BAIAP2: variants seen among roughly 807,000 people sequenced by gnomAD.
BAIAP2 encodes BAR/IMD domain-containing adapter protein 2.
BAIAP2 carries 18 observed loss-of-function variants against 63.0 expected under a neutral mutation model. The observed-to-expected ratio is 0.29, with a 90% CI of 0.20 to 0.42. The LOEUF (loss-of-function observed/expected upper bound fraction) is 0.42, where lower values mean the gene tolerates loss of function less well. Among genes scored for constraint, BAIAP2 ranks in the 10% least tolerant of loss-of-function variants. The probability of loss-of-function intolerance (pLI) is 1.00; values close to 1 mark genes in which losing one functional copy is unlikely to be tolerated. For synonymous variants in BAIAP2, 386 were observed against 307.6 expected (o/e 1.25, Z -2.67); for missense variants, 610 against 734.3 (o/e 0.83, Z 1.96).
chr17:81,050,968 G>A (rs574323283), intron 1 of BAIAP2, among the ~76,000 whole-genome samples: 4 of 151,904 alleles, frequency 2.6e-5, no homozygotes, highest in South Asian at 2.1e-4. Context: ...CCAGGCTGCC[G>A]AGAGCGCACC....
intron 3 of BAIAP2, among the ~76,000 whole-genome samples, chr17:81,081,610 T>C (rs2054618236): frequency 6.6e-6 from 1 of 152,162 alleles, no homozygotes; most frequent in African/African-American, 2.4e-5. Context: ...CCAAATTCTG[T>C]CCTCTTTGTC....
At chr17:81,107,758 C>T (rs1173256390) in intron 12 of BAIAP2, 1 of 152,406 alleles carries the variant, frequency 6.6e-6, no homozygotes. Context: ...GACTACTCAG[C>T]TATTGACCCA....
At chr17:81,036,476 C>G (rs889427856) in intron 1 of BAIAP2, among the ~76,000 whole-genome samples, 5 of 152,252 alleles carry the variant, frequency 3.3e-5, no homozygotes, top group Admixed American at 2.6e-4. Context: ...CCTCTTAGCT[C>G]TCAGGCTTGG....
rs2049367558 is a variant in BAIAP2 at position 81,055,574 on chromosome 17, G to GTTGTTTTTTTTTGTTTTTTT, written c.130+1833_130+1834insGTTTTTTTTTGTTTTTTTTT. ...CCAGCGAAAGTCTGCAGGGTGTTTT[G>GTTGTTTTTTTTTGTTTTTTT]TTTTTTTTTGAGACGGAGTCTCACT... is the stretch of plus-strand genomic sequence containing the variant. On this transcript the variant is annotated intron_variant, in intron 2 of 13. Coordinates refer to ENST00000428708, the MANE Select transcript of BAIAP2 (RefSeq NM_001144888.2). Among the ~76,000 whole-genome samples the GTTGTTTTTTTTTGTTTTTTT allele has an allele frequency of 2.2e-3, 275 of 123,402 alleles. 3 individuals carry two copies. The highest frequency in any genetic ancestry group is 3.8e-3 in the Non-Finnish European group (225 of 59,862). 81.0% of individuals were successfully genotyped at this position (123,402 alleles called of 152,430 possible).
intron 13 of BAIAP2, among the ~76,000 whole-genome samples, chr17:81,111,265 G>A (rs969855155): frequency 4.6e-5 from 7 of 152,372 alleles, no homozygotes; most frequent in South Asian, 2.1e-4. Flanking sequence ...CCTGCTGGGC[G>A]CTTCAATTAT....
At chr17:81,079,764 C>G (rs2054283336) in intron 3 of BAIAP2, among the ~76,000 whole-genome samples, 1 of 152,206 alleles carries the variant, frequency 6.6e-6, no homozygotes, top group Non-Finnish European at 1.5e-5. Flanking sequence ...TGGCACTCAG[C>G]TTACATTTGA....
At chr17:81,078,678 G>T (rs552284181) in intron 3 of BAIAP2, among the ~76,000 whole-genome samples, 1 of 151,918 alleles carries the variant, frequency 6.6e-6, no homozygotes, top group Admixed American at 6.6e-5. Flanking sequence ...GTGCTGTCTC[G>T]GGTGGGAGCT....
chr17:81,110,570 C>T (rs948868479), intron 13 of BAIAP2: 4 of 1,172,584 alleles, frequency 3.4e-6, no homozygotes, highest in Admixed American at 8.5e-5. Flanking sequence ...CGTGGGGGCC[C>T]CGCCTTGTGC....
At chr17:81,107,970 G>A (rs376838966) in intron 12 of BAIAP2, 18 of 166,780 alleles carry the variant, frequency 1.1e-4, no homozygotes, top group Middle Eastern at 2.9e-3. Context: ...CAGCCCCAGC[G>A]CCACACCTGG....
chr17:81,116,320 C>T lies in BAIAP2; in HGVS notation c.*481C>T, dbSNP rs777099412. On this transcript the variant is annotated 3_prime_UTR_variant, in exon 14 of 14. Coordinates refer to ENST00000428708, the MANE Select transcript of BAIAP2 (RefSeq NM_001144888.2). The stretch of plus-strand genomic sequence containing the variant: ...CTGGAAGATGAACTTCCCGTAAGCA[C>T]GTAATTCCCTGCAGGTCCGGCAGCT... The T allele has an allele frequency of 2.8e-5, 45 of 1,612,578 alleles. No individual in the cohort carries two copies. Among genetic ancestry groups the T allele is most frequent in the African/African-American group, 1.6e-4 (12 of 74,942 alleles).
chr17:81,072,534 C>T (rs761960171), intron 3 of BAIAP2, among the ~76,000 whole-genome samples: 14 of 152,226 alleles, frequency 9.2e-5, no homozygotes, highest in Non-Finnish European at 1.5e-4. Flanking sequence ...GCCGTCTCCA[C>T]GTCCCCACCC....
intron 1 of BAIAP2, among the ~76,000 whole-genome samples, chr17:81,050,937 G>T (rs1457825215): frequency 6.6e-6 from 1 of 151,702 alleles, no homozygotes; most frequent in African/African-American, 2.4e-5. Context: ...CGCCAGTCCC[G>T]GTCTGCATGG....
At chr17:81,090,992 G>A (rs1036510371) in intron 6 of BAIAP2, among the ~76,000 whole-genome samples, 9 of 152,158 alleles carry the variant, frequency 5.9e-5, no homozygotes, top group African/African-American at 2.2e-4. Flanking sequence ...GGGGAACTGG[G>A]CTGGCTGGCC....
intron 3 of BAIAP2, among the ~76,000 whole-genome samples, chr17:81,071,237 G>A (rs969912062): frequency 3.3e-5 from 5 of 152,190 alleles, no homozygotes; most frequent in Non-Finnish European, 4.4e-5. Context: ...GGGATTGGGA[G>A]TCACCCCCGA....
chr17:81,071,873 C>T lies in BAIAP2; in HGVS notation c.218-12959C>T, dbSNP rs531562435. ...GGCCTTGTGGGTGGCCGGTCCCCTC[C>T]TCCAGCGTGGCACGGAGGCGCCGGA... On this transcript the variant is annotated intron_variant, in intron 3 of 13. Transcript: ENST00000428708. Among the ~76,000 whole-genome samples the T allele has an allele frequency of 3.6e-3, 544 of 152,384 alleles. 4 individuals are homozygous for T. The highest frequency in any genetic ancestry group is 0.012 in the African/African-American group (513 of 41,596).
At chr17:81,061,834 C>T (rs1403562276) in intron 3 of BAIAP2, among the ~76,000 whole-genome samples, 3 of 152,162 alleles carry the variant, frequency 2.0e-5, no homozygotes, top group African/African-American at 7.2e-5. Context: ...TGGCTTTTGT[C>T]TTCTTAAGTT....
chr17:81,060,844 C>T (rs1475108721), intron 3 of BAIAP2, among the ~76,000 whole-genome samples: 1 of 152,150 alleles, frequency 6.6e-6, no homozygotes, highest in Non-Finnish European at 1.5e-5. Context: ...CCAACAGGGC[C>T]GGGCGCGGTG....
Position 81,116,075 on chromosome 17 carries a change from G to A in BAIAP2, c.*236G>A. 1 of 1,480,878 alleles carries A rather than the reference G, an allele frequency of 6.8e-7. No individual in the cohort carries two copies. Among genetic ancestry groups the A allele is most frequent in the South Asian group, 1.3e-5 (1 of 75,156 alleles). The allele number at this position is 1,480,878 out of a possible 1,614,324, so 91.7% of individuals were successfully genotyped here. On this transcript the variant is annotated 3_prime_UTR_variant, in exon 14 of 14. Transcript: ENST00000428708. Reference sequence around the variant, plus strand: ...TGGCTGGGCTGCCCAGGGCTGAGGGGCCGCCTCTTGAGGGTACACGCCTCT... The same window carrying A: ...TGGCTGGGCTGCCCAGGGCTGAGGGACCGCCTCTTGAGGGTACACGCCTCT...
At chr17:81,109,793 AGACCTCCAGAGACCACC>A (rs764194317) in intron 13 of BAIAP2, 12 of 985,326 alleles carry the variant, frequency 1.2e-5, no homozygotes, top group South Asian at 4.7e-5. Context: ...GACATTCCAA[AGACCTCCAGAGACCACC>A]CCACCCCCAC....
Sources: gnomAD v4.1 joint callset for allele counts (sites outside exome capture counted in the v4.1 genomes callset) on GRCh38, gnomAD v4.1.1 for gene constraint, MANE v1.5 for transcripts, NCBI Gene and HGNC (gene_info 2026-07-23, HGNC 2026-07-21) for gene names.